Variants in SPACA6 observed in about 807,000 individuals in gnomAD.
The protein encoded by SPACA6 is sperm acrosome associated 6.
For missense variants in SPACA6, 8 were observed against 2.8 expected (o/e 2.88, Z -1.34); for synonymous variants, 6 against 1.5 (o/e 4.05, Z -2.21).
chr19:51,689,965 G>T (rs1479182140), upstream of SPACA6, among the ~76,000 whole-genome samples: 1 of 150,350 alleles, frequency 6.7e-6, no homozygotes, highest in Non-Finnish European at 1.5e-5. Flanking sequence ...AGGGGGAGGC[G>T]CAGGGATGGG....
chr19:51,691,035 G>A (rs376763938), upstream of SPACA6, among the ~76,000 whole-genome samples: 1 of 150,582 alleles, frequency 6.6e-6, no homozygotes, highest in Non-Finnish European at 1.5e-5. Context: ...CCGTAGACCC[G>A]TCTCCGGCCC....
intron 3 of SPACA6, among the ~76,000 whole-genome samples, chr19:51,702,180 G>C (rs1178783569): frequency 6.6e-6 from 1 of 151,924 alleles, no homozygotes; most frequent in African/African-American, 2.4e-5. Context: ...TTTTTGATCT[G>C]GCCCCGCCCC....
chr19:51,703,912 G>C lies in SPACA6; in HGVS notation c.574-118G>C. 1 of 397,224 alleles carries C rather than the reference G, an allele frequency of 2.5e-6. No homozygotes were observed. Among genetic ancestry groups the C allele is most frequent in the East Asian group, 3.6e-5 (1 of 28,040 alleles). 24.6% of individuals were successfully genotyped at this position (397,224 alleles called of 1,614,324 possible). A position where few individuals can be genotyped will look rare whatever the true frequency, so the allele number is the denominator to read the frequency against. ...GGCAGGGGAGCGAGAAGGCTCGGGGGCGGGCTCAAGGCTCAGGGCCAGGAC... is the reference window on the plus strand; with the variant it reads ...GGCAGGGGAGCGAGAAGGCTCGGGGCCGGGCTCAAGGCTCAGGGCCAGGAC... On this transcript the variant is annotated intron_variant, in intron 6 of 8. Transcript: ENST00000637797. The surrounding 1 kb of genome is among the most constrained non-coding windows in gnomAD (Gnocchi z 4.2).
chr19:51,711,582 T>C (rs1030956862), intron 2 of SPACA6, among the ~76,000 whole-genome samples: 1 of 152,144 alleles, frequency 6.6e-6, no homozygotes, highest in Non-Finnish European at 1.5e-5. Flanking sequence ...CACCAAAACT[T>C]GCACACGAAT....
chr19:51,708,595 G>A (rs1168091794), downstream of SPACA6, among the ~76,000 whole-genome samples: 1 of 152,180 alleles, frequency 6.6e-6, no homozygotes, highest in Non-Finnish European at 1.5e-5. Context: ...GGGAGGCCGA[G>A]ACGGGTGGAT....
At chr19:51,684,634 C>T (rs1321105922), upstream of SPACA6, among the ~76,000 whole-genome samples, 1 of 152,198 alleles carries the variant, frequency 6.6e-6, no homozygotes, top group Non-Finnish European at 1.5e-5. Context: ...AATCTTTCAG[C>T]TTCCCTGGGC....
chr19:51,693,765 C>T (rs778664465), intron 1 of SPACA6, 25 bp downstream of exon 1: 1 of 406,058 alleles, frequency 2.5e-6, no homozygotes, highest in African/African-American at 2.0e-5. Context: ...CACACTTCAT[C>T]AGTGTCCTGG....
At chr19:51,692,327 G>T (rs1216386612), upstream of SPACA6, among the ~76,000 whole-genome samples, 1 of 152,184 alleles carries the variant, frequency 6.6e-6, no homozygotes, top group Non-Finnish European at 1.5e-5. This position sits in a 1 kb window ranked among gnomAD's most constrained non-coding sequence, Gnocchi z 5.6. Flanking sequence ...GGGGCTGGGG[G>T]CAGGGACTCC....
At chr19:51,708,309 A>G (rs2083525431), downstream of SPACA6, among the ~76,000 whole-genome samples, 2 of 152,220 alleles carry the variant, frequency 1.3e-5, no homozygotes, top group African/African-American at 2.4e-5. Context: ...GAAACCAGGG[A>G]CAAACACCAA....
chr19:51,705,462 C>G (rs955947563), downstream of SPACA6: 1 of 221,372 alleles, frequency 4.5e-6, no homozygotes, highest in Non-Finnish European at 8.8e-6. Flanking sequence ...AAGAGCAACA[C>G]CATCCACCTA....
At chr19:51,696,818 G>T (rs1471679209) in intron 2 of SPACA6, among the ~76,000 whole-genome samples, 1 of 152,172 alleles carries the variant, frequency 6.6e-6, no homozygotes, top group East Asian at 1.9e-4. Context: ...AAAGACCTGA[G>T]CAAGGTGACA....
downstream of SPACA6, among the ~76,000 whole-genome samples, chr19:51,709,626 A>G (rs1599787277): frequency 6.6e-6 from 1 of 151,506 alleles, no homozygotes; most frequent in Non-Finnish European, 1.5e-5. Context: ...AAAAAAAAAA[A>G]AAAAAGAAAA....
At chr19:51,690,444 CCCT>C (rs1351775668), upstream of SPACA6, among the ~76,000 whole-genome samples, 1 of 152,142 alleles carries the variant, frequency 6.6e-6, no homozygotes, top group Non-Finnish European at 1.5e-5. Context: ...ATCCCCAGGC[CCCT>C]CCTCCTCCGG....
rs1340952018 is a variant in SPACA6, at chr19:51,705,117, CAACT to C, written c.973_*1del. 2.5e-6 allele frequency: 1 copy of C among 401,252 alleles called. No homozygotes were observed. Among genetic ancestry groups the C allele is most frequent in the Non-Finnish European group, 4.4e-6 (1 of 226,266 alleles). 24.9% of individuals were successfully genotyped at this position (401,252 alleles called of 1,614,324 possible). ...TGTTCTTTCGATGGTACTGCAGTGG[CAACT>C]AACAAAGGTATCTTTCCTCCTTCCC... On this transcript the variant is annotated frameshift_variant and stop_lost, in exon 9 of 9. Coordinates refer to ENST00000637797, the MANE Select transcript of SPACA6 (RefSeq NM_001316972.2). LOFTEE classifies it high-confidence loss of function.
At chr19:51,701,985 T>C (rs1043782268) in intron 3 of SPACA6, among the ~76,000 whole-genome samples, 2 of 151,932 alleles carry the variant, frequency 1.3e-5, no homozygotes, top group African/African-American at 4.8e-5. Context: ...GGCAGGAAAA[T>C]TGCTTGAACC....
At chr19:51,700,507 G>A (rs1225648832) in intron 2 of SPACA6, among the ~76,000 whole-genome samples, 6 of 152,110 alleles carry the variant, frequency 3.9e-5, no homozygotes, top group Non-Finnish European at 7.4e-5. Flanking sequence ...GTTGGCAACT[G>A]GTTCATTTTC....
chr19:51,702,248 C>T (rs1463035356), intron 3 of SPACA6, among the ~76,000 whole-genome samples: 1 of 151,916 alleles, frequency 6.6e-6, no homozygotes, highest in Non-Finnish European at 1.5e-5. Context: ...ACTAACCTGG[C>T]CACGCCTCTT....
At chr19:51,684,341 G>A (rs548205237), upstream of SPACA6, among the ~76,000 whole-genome samples, 21 of 152,270 alleles carry the variant, frequency 1.4e-4, 1 homozygote, top group South Asian at 3.9e-3. Flanking sequence ...AGCAGCTGAA[G>A]GTCCTTCACT....
At chr19:51,698,838 G>A (rs1568617780) in intron 2 of SPACA6, among the ~76,000 whole-genome samples, 1 of 152,158 alleles carries the variant, frequency 6.6e-6, no homozygotes, top group Non-Finnish European at 1.5e-5. Flanking sequence ...AGGCACTTAA[G>A]GCTAATATGG....
Sources: allele counts gnomAD v4.1 joint callset (sites outside exome capture counted in the v4.1 genomes callset), GRCh38; gene constraint gnomAD v4.1.1; non-coding constraint Gnocchi (gnomAD v3.1); transcripts MANE v1.5; gene names NCBI Gene and HGNC (gene_info 2026-07-23, HGNC 2026-07-21).